Variants in RBFOX1 observed in about 807,000 individuals in gnomAD.
The protein encoded by RBFOX1 is RNA binding protein fox-1 homolog 1.
In RBFOX1, 8 loss-of-function variants were observed where a neutral mutation model predicts 57.7. The observed-to-expected ratio is 0.14, with a 90% CI of 0.08 to 0.25. The LOEUF (loss-of-function observed/expected upper bound fraction) is 0.25. Among genes scored for constraint, RBFOX1 ranks in the 10% least tolerant of loss-of-function variants. The pLI, the probability that RBFOX1 is intolerant of heterozygous loss-of-function variation, is 1.00. For missense variants in RBFOX1, 611 were observed against 548.5 expected, an observed-to-expected ratio of 1.11 and a Z score of -1.14; for synonymous variants, 326 against 222.4, an observed-to-expected ratio of 1.47 and a Z score of -4.15.
At chr16:5,826,144 ATAT>A (rs934842527) in intron 3 of RBFOX1, among the ~76,000 whole-genome samples, 3 of 146,584 alleles carry the variant, frequency 2.0e-5, no homozygotes, top group Non-Finnish European at 3.0e-5. Flanking sequence ...TTCCTTATAT[ATAT>A]TATTATATAT....
At chr16:6,086,178 A>T (rs1181766836) in intron 1 of RBFOX1, among the ~76,000 whole-genome samples, 1 of 152,150 alleles carries the variant, frequency 6.6e-6, no homozygotes, top group Admixed American at 6.5e-5. Context: ...GCTGCATAGT[A>T]TTCCATGGTG....
chr16:7,559,089 A>T (rs970343706), intron 5 of RBFOX1, among the ~76,000 whole-genome samples: 27 of 152,230 alleles, frequency 1.8e-4, no homozygotes, highest in Admixed American at 6.5e-4. Context: ...CATAGGAGAA[A>T]GGTTCAGAGG....
Position 6,873,671 on chromosome 16 carries a change from A to G in RBFOX1, c.-15-178386A>G, listed in dbSNP as rs910663072. On this transcript the variant is annotated intron_variant, in intron 3 of 15. Transcript: ENST00000550418. ...CTCTGCATTCATAGGTTTAGAAGGA[A>G]AATGTGAGTATTTATGGCATCATGA... is the stretch of plus-strand genomic sequence containing the variant. Among the ~76,000 whole-genome samples, 3 of 152,194 alleles carry G rather than the reference A, an allele frequency of 2.0e-5. No individual in the cohort carries two copies. The South Asian group carries it at 6.2e-4, about 31-fold the overall frequency.
intron 2 of RBFOX1, among the ~76,000 whole-genome samples, chr16:6,348,042 A>C (rs969082624): frequency 2.0e-5 from 3 of 152,210 alleles, no homozygotes; most frequent in African/African-American, 7.2e-5. Context: ...CTCTTGGTCA[A>C]GTTTAGCTAT....
intron 4 of RBFOX1, among the ~76,000 whole-genome samples, chr16:7,140,285 TTTTAG>T (rs1265367651): frequency 2.1e-5 from 3 of 141,992 alleles, no homozygotes; most frequent in Non-Finnish European, 4.5e-5. Flanking sequence ...TTTTTTTTTT[TTTTAG>T]TTTTTTAAAG....
intron 3 of RBFOX1, among the ~76,000 whole-genome samples, chr16:6,660,764 T>A (rs909589364): frequency 2.4e-5 from 3 of 124,668 alleles, no homozygotes; most frequent in Non-Finnish European, 5.7e-5. Context: ...CTGCGGTTAT[T>A]TTTATTTTTG....
At chr16:6,419,137 C>A (rs564095470) in intron 2 of RBFOX1, among the ~76,000 whole-genome samples, 2 of 152,224 alleles carry the variant, frequency 1.3e-5, no homozygotes, top group East Asian at 3.9e-4. Flanking sequence ...TTTTCTAAAC[C>A]TTTTTCCAAA....
At chr16:5,352,173 C>G (rs1356825984) in intron 1 of RBFOX1, among the ~76,000 whole-genome samples, 1 of 152,128 alleles carries the variant, frequency 6.6e-6, no homozygotes, top group Non-Finnish European at 1.5e-5. Flanking sequence ...TTTATTTATT[C>G]AGCGGATGCT....
intron 4 of RBFOX1, among the ~76,000 whole-genome samples, chr16:7,328,234 C>A (rs1414334987): frequency 1.3e-5 from 2 of 152,094 alleles, no homozygotes; most frequent in East Asian, 1.9e-4. Context: ...GTAATCCCAG[C>A]ACTTTGGGAG....
intron 1 of RBFOX1, among the ~76,000 whole-genome samples, chr16:6,207,817 A>G (rs1444270217): frequency 6.6e-6 from 1 of 152,100 alleles, no homozygotes; most frequent in Non-Finnish European, 1.5e-5. Flanking sequence ...CCTGTTGCGT[A>G]GCTGGGACTA....
chr16:5,519,808 C>G (rs562668803), intron 2 of RBFOX1, among the ~76,000 whole-genome samples: 14 of 152,232 alleles, frequency 9.2e-5, no homozygotes, highest in African/African-American at 3.1e-4. Flanking sequence ...GAACTCAGTG[C>G]CTTGTTTTTT....
chr16:7,268,802 G>A (rs1215390801), intron 4 of RBFOX1, among the ~76,000 whole-genome samples: 1 of 151,994 alleles, frequency 6.6e-6, no homozygotes, highest in African/African-American at 2.4e-5. Flanking sequence ...GGGAGGCCGA[G>A]GTGGGTGGGG....
intron 4 of RBFOX1, among the ~76,000 whole-genome samples, chr16:7,335,227 C>A (rs2096764124): frequency 6.6e-6 from 1 of 152,202 alleles, no homozygotes; most frequent in African/African-American, 2.4e-5. Context: ...CTGCAGACTC[C>A]ACTTGCTCAC....
intron 1 of RBFOX1, among the ~76,000 whole-genome samples, chr16:5,460,565 A>G (rs1252311199): frequency 6.6e-6 from 1 of 152,176 alleles, no homozygotes; most frequent in African/African-American, 2.4e-5. Flanking sequence ...TGATGGTTGT[A>G]AAGGACTCTT....
At chr16:7,511,122 C>G (rs1391576594) in intron 4 of RBFOX1, among the ~76,000 whole-genome samples, 2 of 152,182 alleles carry the variant, frequency 1.3e-5, no homozygotes, top group Non-Finnish European at 2.9e-5. Context: ...GCTACGAAAG[C>G]TGGTACTTTG....
rs545201841 is a variant in RBFOX1 at position 6,708,556 on chromosome 16, A to G, written c.-16+53906A>G. Among the ~76,000 whole-genome samples the G allele has an allele frequency of 1.1e-4, 17 of 152,280 alleles. 1 individual carries two copies. The highest frequency in any genetic ancestry group is 8.3e-4 in the South Asian group (4 of 4,826). On this transcript the variant is annotated intron_variant, in intron 3 of 15. Coordinates refer to ENST00000550418, the MANE Select transcript of RBFOX1 (RefSeq NM_018723.4). ...TTCGCACAAATATGTTTTTTGCCCA[A>G]TGATTTAAGATGCTCTTAATTGCTT...
At chr16:7,131,952 T>C (rs1244213573) in intron 4 of RBFOX1, among the ~76,000 whole-genome samples, 1 of 151,808 alleles carries the variant, frequency 6.6e-6, no homozygotes, top group Non-Finnish European at 1.5e-5. Flanking sequence ...TAGAATCACC[T>C]GGAGAACTTT....
chr16:6,299,952 A>C (rs1277576649), intron 1 of RBFOX1, among the ~76,000 whole-genome samples: 1 of 152,218 alleles, frequency 6.6e-6, no homozygotes, highest in African/African-American at 2.4e-5. Flanking sequence ...TACAGTTAAA[A>C]TAAATCTAAC....
At chr16:6,936,352 C>T (rs999056400) in intron 3 of RBFOX1, among the ~76,000 whole-genome samples, 1 of 152,158 alleles carries the variant, frequency 6.6e-6, no homozygotes, top group Admixed American at 6.5e-5. Flanking sequence ...TGAACCAACT[C>T]TCAATGAGCA....
Sources: gnomAD v4.1 joint callset for allele counts (sites outside exome capture counted in the v4.1 genomes callset) on GRCh38, gnomAD v4.1.1 for gene constraint, MANE v1.5 for transcripts, NCBI Gene and HGNC (gene_info 2026-07-23, HGNC 2026-07-21) for gene names.